ABCB5: variants seen among roughly 807,000 people sequenced by gnomAD.
ABCB5 encodes ATP-binding cassette sub-family B member 5.
ABCB5 carries 155 observed loss-of-function variants against 144.2 expected under a neutral mutation model. That is an observed-to-expected ratio of 1.08 (90% CI 0.94 to 1.23). ABCB5 has a LOEUF of 1.23. ABCB5 is among the 50% of genes most tolerant of loss of function. The probability of loss-of-function intolerance (pLI) is 0.00; values close to 1 mark genes in which losing one functional copy is unlikely to be tolerated. For synonymous variants in ABCB5, 610 were observed against 528.6 expected, an observed-to-expected ratio of 1.15 and a Z score of -2.11; for missense variants, 1,830 against 1,520.8, an observed-to-expected ratio of 1.20 and a Z score of -3.38.
At chr7:20,661,687 A>C (rs949491020) in intron 14 of ABCB5, among the ~76,000 whole-genome samples, 1 of 151,452 alleles carries the variant, frequency 6.6e-6, no homozygotes, top group Non-Finnish European at 1.5e-5. Context: ...GGCACGCACC[A>C]CCACGCCCAG....
intron 23 of ABCB5, 46 bp from the exon 24 acceptor site, chr7:20,738,937 C>CAAAGG (rs1211740802): frequency 6.6e-7 from 1 of 1,521,230 alleles, no homozygotes; most frequent in African/African-American, 1.4e-5. Context: ...TACTGTTTTA[C>CAAAGG]AAAGGATCGA....
At chr7:20,681,212 T>C (rs552569506) in intron 14 of ABCB5, among the ~76,000 whole-genome samples, 1 of 151,778 alleles carries the variant, frequency 6.6e-6, no homozygotes, top group South Asian at 2.1e-4. Flanking sequence ...CTGCAACCTC[T>C]GCCTCCTAGG....
chr7:20,727,890 T>G (rs1782087293), intron 22 of ABCB5, among the ~76,000 whole-genome samples: 1 of 152,244 alleles, frequency 6.6e-6, no homozygotes, highest in Non-Finnish European at 1.5e-5. Flanking sequence ...GAAAGATAGC[T>G]TTTTACTCTT....
chr7:20,632,176 G>GA, intron 5 of ABCB5, 63 bp downstream of exon 5: 1 of 1,193,366 alleles, frequency 8.4e-7, no homozygotes, highest in South Asian at 1.7e-5. Flanking sequence ...AAGCTTACAA[G>GA]AAAAAAGCAA....
chr7:20,659,432 T>C, intron 14 of ABCB5: 1 of 1,134,042 alleles, frequency 8.8e-7, no homozygotes, highest in Non-Finnish European at 1.1e-6. Flanking sequence ...CTTCTTTTTT[T>C]AAAATGCTGA....
At chr7:20,749,220 C>A (rs918615271) in intron 26 of ABCB5, among the ~76,000 whole-genome samples, 19 of 139,136 alleles carry the variant, frequency 1.4e-4, no homozygotes, top group African/African-American at 5.1e-4. Context: ...CTCCCTCCCC[C>A]TCTCTCTCTT....
chr7:20,699,654 C>T (rs1299612597), intron 17 of ABCB5, among the ~76,000 whole-genome samples, 171 bp from the exon 18 acceptor site: 3 of 151,714 alleles, frequency 2.0e-5, no homozygotes, highest in East Asian at 1.9e-4. Flanking sequence ...TGAGCCAAGA[C>T]TGAGATCGCA....
At chr7:20,745,531 A>T in intron 26 of ABCB5, 93 bp downstream of exon 26, 1 of 1,102,264 alleles carries the variant, frequency 9.1e-7, no homozygotes, top group Non-Finnish European at 1.3e-6. Context: ...TATTCCTTGG[A>T]TTATACAATG....
chr7:20,684,342 A>G (rs948747261), intron 15 of ABCB5, among the ~76,000 whole-genome samples: 3 of 152,242 alleles, frequency 2.0e-5, no homozygotes, highest in African/African-American at 7.2e-5. Flanking sequence ...GACCTTCTCA[A>G]GAAAAGAAAA....
intron 19 of ABCB5, among the ~76,000 whole-genome samples, chr7:20,702,840 T>A (rs541197613): frequency 3.4e-3 from 503 of 149,516 alleles, no homozygotes; most frequent in Non-Finnish European, 5.7e-3. Flanking sequence ...TTTTTTTTTT[T>A]TTTTTTTTTG....
At chr7:20,717,167 T>A (rs73085680) in intron 20 of ABCB5, among the ~76,000 whole-genome samples, 3,708 of 152,210 alleles carry the variant, frequency 0.024, 56 homozygotes, top group Middle Eastern at 0.044. Context: ...CTAGTCCATA[T>A]GACTCTGAAA....
At chr7:20,664,884 G>C (rs1461314809) in intron 14 of ABCB5, among the ~76,000 whole-genome samples, 1 of 152,180 alleles carries the variant, frequency 6.6e-6, no homozygotes, top group African/African-American at 2.4e-5. Context: ...GAGACCAGGA[G>C]CTCAATACCA....
intron 20 of ABCB5, among the ~76,000 whole-genome samples, chr7:20,711,864 T>TCCCTCCCTCCCTCACTCCCTCCCTC: frequency 2.4e-5 from 1 of 42,268 alleles, no homozygotes; most frequent in African/African-American, 1.2e-4. Flanking sequence ...TTTCTTTCCT[T>TCCCTCCCTCCCTCACTCCCTCCCTC]CCTCCCTCCC....
At chr7:20,739,665 C>T (rs903775423) in intron 24 of ABCB5, among the ~76,000 whole-genome samples, 1 of 151,750 alleles carries the variant, frequency 6.6e-6, no homozygotes, top group Non-Finnish European at 1.5e-5. Context: ...CTGAATTCTA[C>T]TGAGAAACTA....
chr7:20,644,576 C>T (rs1388944101), intron 7 of ABCB5, among the ~76,000 whole-genome samples: 1 of 152,154 alleles, frequency 6.6e-6, no homozygotes, highest in Non-Finnish European at 1.5e-5. Context: ...GAAACCGATA[C>T]TCTGTGAAAT....
Position 20,630,089 on chromosome 7 carries a change from T to A in ABCB5, c.259+1251T>A, listed in dbSNP as rs527776218. 5.3e-5 allele frequency among the ~76,000 whole-genome samples: 8 copies of A among 152,302 alleles called. No homozygotes were observed. The South Asian group carries it at 1.2e-3, about 24-fold the overall frequency. ...TTTCAAGGTGACATTATTCTTTAGG[T>A]TAAATTCCAGTGATTTTCCTATGCA... is the stretch of plus-strand genomic sequence containing the variant. On this transcript the variant is annotated intron_variant, in intron 4 of 27. Transcript: ENST00000404938.
In ABCB5 at chr7:20,618,247, C is replaced by T. The variant is rs561982828; in HGVS notation, c.-22+2410C>T. Among the ~76,000 whole-genome samples, 21 of 152,218 alleles carry T rather than the reference C, an allele frequency of 1.4e-4. 1 individual carries two copies. In the South Asian group the frequency reaches 4.4e-3, roughly 32 times the overall value. Reference sequence around the variant, plus strand: ...CCAGCAACTACTAACTTACTTTTTTCTCTATGGATTTGCCTGCTCTAGGCA... The same window carrying T: ...CCAGCAACTACTAACTTACTTTTTTTTCTATGGATTTGCCTGCTCTAGGCA... On this transcript the variant is annotated intron_variant, in intron 1 of 27. Coordinates refer to ENST00000404938, the MANE Select transcript of ABCB5 (RefSeq NM_001163941.2).
intron 14 of ABCB5, chr7:20,659,291 A>G (rs1000252258): frequency 2.8e-6 from 4 of 1,433,952 alleles, no homozygotes; most frequent in Admixed American, 5.3e-5. Flanking sequence ...ACCATTGAAC[A>G]GTTTTCTCGA....
intron 23 of ABCB5, among the ~76,000 whole-genome samples, chr7:20,734,444 T>C (rs1212223264): frequency 2.0e-5 from 3 of 150,042 alleles, no homozygotes; most frequent in Admixed American, 1.3e-4. Context: ...AGATCTAGTA[T>C]GGGGCAGGAA....
Sources: allele counts gnomAD v4.1 joint callset (sites outside exome capture counted in the v4.1 genomes callset), GRCh38; gene constraint gnomAD v4.1.1; transcripts MANE v1.5; gene names NCBI Gene and HGNC (gene_info 2026-07-23, HGNC 2026-07-21).